Variants in SMARCA2 observed in about 807,000 individuals in gnomAD.
The protein encoded by SMARCA2 is SWI/SNF-related matrix-associated actin-dependent regulator of chromatin subfamily A member 2.
Under a neutral mutation model 199.8 loss-of-function variants are expected in SMARCA2, and 61 were observed. That is an observed-to-expected ratio of 0.31 (90% confidence interval 0.25 to 0.38). The LOEUF (loss-of-function observed/expected upper bound fraction) is 0.38. Among genes scored for constraint, SMARCA2 ranks in the 10% least tolerant of loss-of-function variants. The pLI, the probability that SMARCA2 is intolerant of heterozygous loss-of-function variation, is 1.00. For missense variants in SMARCA2, 1,344 were observed against 2,012.2 expected (o/e 0.67, Z 6.35); for synonymous variants, 935 against 732.0 (o/e 1.28, Z -4.48).
intron 9 of SMARCA2, chr9:2,069,065 C>T (rs1820969481): frequency 6.6e-6 from 1 of 151,604 alleles, no homozygotes; most frequent in South Asian, 2.1e-4. Context: ...TACAGGTACC[C>T]ACCACAACAC....
At chr9:2,173,968 A>G (rs555694365) in intron 29 of SMARCA2, among the ~76,000 whole-genome samples, 1 of 152,326 alleles carries the variant, frequency 6.6e-6, no homozygotes, top group African/African-American at 2.4e-5. Flanking sequence ...CTCATTACAA[A>G]TATTGATACT....
intron 21 of SMARCA2, among the ~76,000 whole-genome samples, chr9:2,099,801 G>A (rs1380277892): frequency 3.3e-5 from 5 of 152,022 alleles, no homozygotes; most frequent in African/African-American, 1.2e-4. Flanking sequence ...GCCTCCCTGG[G>A]GACCTTAAAC....
intron 22 of SMARCA2, among the ~76,000 whole-genome samples, 153 bp from the exon 23 acceptor site, chr9:2,103,850 T>C (rs1278427734): frequency 6.6e-6 from 1 of 152,192 alleles, no homozygotes; most frequent in Non-Finnish European, 1.5e-5. Flanking sequence ...TCTCATTGCT[T>C]TGGAGTTCAT....
chr9:2,048,283 G>C (rs1819968491), intron 5 of SMARCA2, among the ~76,000 whole-genome samples: 1 of 152,170 alleles, frequency 6.6e-6, no homozygotes, highest in South Asian at 2.1e-4. Flanking sequence ...TGAAGCTAAG[G>C]TTGTGGATTC....
At chr9:2,133,600 GT>G (rs1248045041) in intron 27 of SMARCA2, among the ~76,000 whole-genome samples, 2 of 147,960 alleles carry the variant, frequency 1.4e-5, no homozygotes, top group South Asian at 4.2e-4. Context: ...GTTTTGTTTA[GT>G]TTTTTTAATC....
chr9:2,080,961 G>T (rs1051023480), intron 14 of SMARCA2, among the ~76,000 whole-genome samples: 1 of 152,160 alleles, frequency 6.6e-6, no homozygotes, highest in Non-Finnish European at 1.5e-5. Context: ...GCACAGAATA[G>T]TCATTTAATA....
At chr9:2,065,535 T>C (rs1258907445) in intron 9 of SMARCA2, among the ~76,000 whole-genome samples, 1 of 152,218 alleles carries the variant, frequency 6.6e-6, no homozygotes, top group Non-Finnish European at 1.5e-5. Flanking sequence ...CCTGGCATAA[T>C]GTATTGGCCA....
At chr9:2,173,829 C>T (rs1279520454) in intron 29 of SMARCA2, among the ~76,000 whole-genome samples, 1 of 152,188 alleles carries the variant, frequency 6.6e-6, no homozygotes, top group Non-Finnish European at 1.5e-5. Context: ...TCACGGGACA[C>T]TGTTACTAAC....
In SMARCA2 at chr9:2,180,672, A is replaced by ATAT. The variant is rs1452387413; in HGVS notation, c.4254-896_4254-894dup. On this transcript the variant is annotated intron_variant, in intron 29 of 33. Transcript: ENST00000349721. Reference sequence around the variant, plus strand: ...TATTGATCTGAGTAGACCAAATCAGATATTAGGATCTTGAACCTAAATTGT... The same window carrying ATAT: ...TATTGATCTGAGTAGACCAAATCAGATATTATTAGGATCTTGAACCTAAATTGT... Among the ~76,000 whole-genome samples the ATAT allele has an allele frequency of 3.9e-5, 6 of 152,374 alleles. No homozygotes were observed. In the East Asian group the frequency reaches 9.6e-4, roughly 24 times the overall value.
intron 29 of SMARCA2, among the ~76,000 whole-genome samples, chr9:2,176,984 A>G (rs980579714): frequency 2.0e-5 from 3 of 152,184 alleles, no homozygotes; most frequent in South Asian, 2.1e-4. Flanking sequence ...ATTATCACCA[A>G]TCAATACTCA....
chr9:2,176,275 C>T (rs1249958250), intron 29 of SMARCA2, among the ~76,000 whole-genome samples: 1 of 133,394 alleles, frequency 7.5e-6, no homozygotes, highest in Non-Finnish European at 1.6e-5. Context: ...ATTACTTGTT[C>T]TTTCCACAAC....
At chr9:2,067,242 A>T (rs2130393275) in intron 9 of SMARCA2, among the ~76,000 whole-genome samples, 1 of 152,370 alleles carries the variant, frequency 6.6e-6, no homozygotes, top group African/African-American at 2.4e-5. Flanking sequence ...TATGATAGTA[A>T]TAATTTAATG....
At chr9:2,062,696 A>T (rs1820655014) in intron 9 of SMARCA2, among the ~76,000 whole-genome samples, 1 of 152,150 alleles carries the variant, frequency 6.6e-6, no homozygotes, top group Admixed American at 6.5e-5. Flanking sequence ...AACATGTGTT[A>T]ACTGAACACT....
chr9:2,131,705 G>A (rs1382472683), intron 27 of SMARCA2, among the ~76,000 whole-genome samples: 1 of 152,136 alleles, frequency 6.6e-6, no homozygotes, highest in Non-Finnish European at 1.5e-5. Flanking sequence ...ATGAGGCCGG[G>A]TGCGGTGGCT....
At chr9:2,019,267 G>GGGGA (rs1818499073) in intron 1 of SMARCA2, among the ~76,000 whole-genome samples, 3 of 152,128 alleles carry the variant, frequency 2.0e-5, no homozygotes, top group South Asian at 4.1e-4. Flanking sequence ...AAGAGGGTGA[G>GGGGA]GGGAGGGAGG....
intron 29 of SMARCA2, among the ~76,000 whole-genome samples, chr9:2,172,964 A>AAGAT (rs1311640013): frequency 2.0e-5 from 3 of 152,158 alleles, no homozygotes; most frequent in Admixed American, 6.5e-5. Context: ...GTAGTGGAGG[A>AAGAT]AGATAGTCCT....
intron 19 of SMARCA2, among the ~76,000 whole-genome samples, chr9:2,094,558 C>T (rs930728829): frequency 5.9e-5 from 9 of 152,336 alleles, no homozygotes; most frequent in Middle Eastern, 3.4e-3. Context: ...GAAGGTGAAC[C>T]TCAGGCAGAG....
At position 2,161,304 on chromosome 9, in the gene SMARCA2, T is replaced by C. The variant is rs1159390441; in HGVS notation, c.3982-382T>C. On this transcript the variant is annotated intron_variant, in intron 27 of 33. Coordinates refer to ENST00000349721, the MANE Select transcript of SMARCA2 (RefSeq NM_003070.5). The surrounding 1 kb of genome is among the most constrained non-coding windows in gnomAD (Gnocchi z 4.7). ...TTCATAACCCACCCCTCGTTTTGTT[T>C]ACCTTTTCCTTCCCTTACAGTAATG... Among the ~76,000 whole-genome samples the C allele has an allele frequency of 6.6e-6, 1 of 152,240 alleles. No homozygotes were observed. Among genetic ancestry groups the C allele is most frequent in the African/African-American group, 2.4e-5 (1 of 41,454 alleles).
Position 2,128,622 on chromosome 9 carries a change from C to A in SMARCA2, c.3981+4685C>A, listed in dbSNP as rs563769062. Among the ~76,000 whole-genome samples, 58 of 152,272 alleles carry A rather than the reference C, an allele frequency of 3.8e-4. 1 individual carries two copies. The highest frequency in any genetic ancestry group is 2.6e-3 in the Admixed American group (39 of 15,290). Reference sequence around the variant, plus strand: ...CTGGAGCTTTTTAAAGAAAGCAATTCAAAAATGTCTTAAGTTTGCAAATTG... The same window carrying A: ...CTGGAGCTTTTTAAAGAAAGCAATTAAAAAATGTCTTAAGTTTGCAAATTG... On this transcript the variant is annotated intron_variant, in intron 27 of 33. Transcript: ENST00000349721.
Sources: allele counts gnomAD v4.1 joint callset (sites outside exome capture counted in the v4.1 genomes callset), GRCh38; gene constraint gnomAD v4.1.1; non-coding constraint Gnocchi (gnomAD v3.1); transcripts MANE v1.5; gene names NCBI Gene and HGNC (gene_info 2026-07-23, HGNC 2026-07-21).